PUS7: variants seen among roughly 807,000 people sequenced by gnomAD.
PUS7 encodes the protein pseudouridylate synthase 7 homolog.
A neutral mutation model predicts 79.8 loss-of-function variants in PUS7; 48 were observed. That is an observed-to-expected ratio of 0.60 (90% CI 0.48 to 0.76). The LOEUF is 0.76. Ranked by LOEUF, PUS7 falls within the 30% of genes least tolerant of loss-of-function variation. PUS7 has a pLI of 0.00. For missense variants in PUS7, 729 were observed against 797.6 expected, an observed-to-expected ratio of 0.91 and a Z score of 1.04; for synonymous variants, 286 against 272.2, an observed-to-expected ratio of 1.05 and a Z score of -0.50.
intron 5 of PUS7, among the ~76,000 whole-genome samples, chr7:105,500,747 C>G (rs938825744): frequency 6.6e-6 from 1 of 152,188 alleles, no homozygotes; most frequent in Non-Finnish European, 1.5e-5. Flanking sequence ...TAGTTACTAG[C>G]TACACACTAT....
chr7:105,512,144 CAAAAAAAAAAAA>C (rs59884368), intron 1 of PUS7, among the ~76,000 whole-genome samples: 4 of 68,834 alleles, frequency 5.8e-5, no homozygotes, highest in South Asian at 8.3e-4. Context: ...GATTCTGTCT[CAAAAAAAAAAAA>C]AAAAAAAAAA....
At chr7:105,476,926 T>C (rs1824135618) in intron 9 of PUS7, among the ~76,000 whole-genome samples, 3 of 152,224 alleles carry the variant, frequency 2.0e-5, no homozygotes, top group Admixed American at 2.0e-4. Flanking sequence ...ATTTTTGAAT[T>C]GGTTTTTCTT....
Position 105,467,034 on chromosome 7 carries a change from G to GTTTTTTTTTTTTT in PUS7, c.1525+1290_1525+1302dup, listed in dbSNP as rs56177512. On this transcript the variant is annotated intron_variant, in intron 12 of 15. Coordinates refer to ENST00000469408, the MANE Select transcript of PUS7 (RefSeq NM_019042.5). ...AGAACTCTGAATCCCAGTTTTTTCT[G>GTTTTTTTTTTTTT]TTTTTTTTTTTTTTTTTTTTTTTTT... Among the ~76,000 whole-genome samples the GTTTTTTTTTTTTT allele has an allele frequency of 4.2e-5, 3 of 70,694 alleles. 1 individual carries two copies. In the East Asian group the frequency reaches 1.9e-3, roughly 45 times the overall value. The allele number at this position is 70,694 out of a possible 152,430, so 46.4% of individuals were successfully genotyped here.
chr7:105,508,871 TAAAAAAAAAAAAA>T (rs34249093), intron 1 of PUS7, among the ~76,000 whole-genome samples: 2 of 22,890 alleles, frequency 8.7e-5, no homozygotes, highest in Admixed American at 8.1e-4. Flanking sequence ...GACATTGTCT[TAAAAAAAAAAAAA>T]AAAAAAAAAA....
intron 9 of PUS7, 71 bp from the exon 10 acceptor site, chr7:105,472,264 A>G: frequency 1.1e-6 from 1 of 926,116 alleles, no homozygotes; most frequent in Non-Finnish European, 1.7e-6. Context: ...AAATCTTTGA[A>G]GAGTCAACAA....
At chr7:105,485,825 AGT>A (rs1256354192) in intron 7 of PUS7, among the ~76,000 whole-genome samples, 1 of 152,086 alleles carries the variant, frequency 6.6e-6, no homozygotes, top group Non-Finnish European at 1.5e-5. Context: ...TTTGAGACAG[AGT>A]CTCTGTCGCC....
Position 105,500,047 on chromosome 7 carries a change from G to T in PUS7, c.730+2373C>A, listed in dbSNP as rs148889069. On this transcript the variant is annotated intron_variant, in intron 5 of 15. Transcript: ENST00000469408. ...TAAGTGCCCATCTGTGCCAGGGGTG[G>T]CCTTCCATGAGGAGGTGGGAGAGAT... Among the ~76,000 whole-genome samples the T allele has an allele frequency of 2.3e-4, 35 of 152,250 alleles. No homozygotes were observed. In the East Asian group the frequency reaches 6.8e-3, roughly 29 times the overall value.
intron 14 of PUS7, among the ~76,000 whole-genome samples, 180 bp from the exon 15 acceptor site, chr7:105,459,439 A>T (rs1026412788): frequency 2.8e-5 from 4 of 143,958 alleles, no homozygotes; most frequent in African/African-American, 5.1e-5. Context: ...TATATATATA[A>T]TTTTTTTTTT....
At chr7:105,496,214 T>G (rs1156404898) in intron 5 of PUS7, among the ~76,000 whole-genome samples, 1,871 of 71,486 alleles carry the variant, frequency 0.026, 32 homozygotes, top group Non-Finnish European at 0.034. Flanking sequence ...TATATATATA[T>G]ATATATATAT....
chr7:105,499,695 T>A (rs1825172857), intron 5 of PUS7, among the ~76,000 whole-genome samples: 1 of 152,186 alleles, frequency 6.6e-6, no homozygotes, highest in Non-Finnish European at 1.5e-5. Context: ...ACCACATCTA[T>A]GTTTTAGGAT....
rs200773890 is a variant in PUS7 at position 105,475,247 on chromosome 7, A to G, written c.1176-3054T>C. ...GTCACCCAGGCTAGAGTGCAGTGGC[A>G]CGATCTCGGCTCACTGCAAGCTCCG... On this transcript the variant is annotated intron_variant, in intron 9 of 15. Transcript: ENST00000469408. Among the ~76,000 whole-genome samples, 145 of 152,140 alleles carry G rather than the reference A, an allele frequency of 9.5e-4. 1 individual carries two copies. Among genetic ancestry groups the G allele is most frequent in the East Asian group, 2.3e-3 (12 of 5,170 alleles).
At chr7:105,462,806 G>A (rs1363211781) in intron 13 of PUS7, 56 bp from the exon 14 acceptor site, 18 of 1,518,532 alleles carry the variant, frequency 1.2e-5, no homozygotes, top group Non-Finnish European at 1.5e-5. Flanking sequence ...AAGTTATCCT[G>A]AACTAGATTA....
chr7:105,460,159 CG>C (rs1312444387), intron 14 of PUS7, among the ~76,000 whole-genome samples: 2 of 152,008 alleles, frequency 1.3e-5, no homozygotes, highest in Non-Finnish European at 2.9e-5. Flanking sequence ...AGGATGGTCT[CG>C]ATCTCCTGAG....
chr7:105,517,595 T>C lies in PUS7; in HGVS notation c.-33+4457A>G, dbSNP rs747392900. ...AAACCCTTTTCATTAAAATACTAGA[T>C]TCACCAACTAAGCTTTAAGAAGTAC... On this transcript the variant is annotated intron_variant, in intron 1 of 15. Coordinates refer to ENST00000469408, the MANE Select transcript of PUS7 (RefSeq NM_019042.5). Among the ~76,000 whole-genome samples, 29 of 152,304 alleles carry C rather than the reference T, an allele frequency of 1.9e-4. 1 individual carries two copies. Among genetic ancestry groups the C allele is most frequent in the Middle Eastern group, 3.4e-3 (1 of 294 alleles).
chr7:105,519,056 C>A (rs1330262188), intron 1 of PUS7, among the ~76,000 whole-genome samples: 87 of 151,976 alleles, frequency 5.7e-4, no homozygotes, highest in Non-Finnish European at 1.5e-5. Context: ...GCCTGAGCCA[C>A]CGCGCCCAGC....
At chr7:105,478,746 T>A (rs1824202756) in intron 9 of PUS7, among the ~76,000 whole-genome samples, 1 of 152,234 alleles carries the variant, frequency 6.6e-6, no homozygotes, top group Admixed American at 6.5e-5. Context: ...GTCTGTTTTT[T>A]CCCTCAGGAA....
intron 9 of PUS7, among the ~76,000 whole-genome samples, chr7:105,479,184 A>T (rs1329815342): frequency 1.3e-5 from 2 of 152,222 alleles, no homozygotes; most frequent in African/African-American, 2.4e-5. Flanking sequence ...TATTATCTCC[A>T]TTCTACAGAT....
chr7:105,486,836 A>G (rs946631088), intron 7 of PUS7, among the ~76,000 whole-genome samples: 2 of 151,822 alleles, frequency 1.3e-5, no homozygotes, highest in Non-Finnish European at 2.9e-5. Flanking sequence ...AAAGTGGCTG[A>G]ATTGCTTGAG....
chr7:105,487,270 C>T (rs1039870938), intron 7 of PUS7, among the ~76,000 whole-genome samples: 1 of 152,122 alleles, frequency 6.6e-6, no homozygotes, highest in Admixed American at 6.6e-5. Context: ...CTGCAGACCT[C>T]GGCAACCATT....
Sources: gnomAD v4.1 joint callset for allele counts (sites outside exome capture counted in the v4.1 genomes callset) on GRCh38, gnomAD v4.1.1 for gene constraint, MANE v1.5 for transcripts, NCBI Gene and HGNC (gene_info 2026-07-23, HGNC 2026-07-21) for gene names.